TBC1D1: variants seen among roughly 807,000 people sequenced by gnomAD.
TBC1D1 encodes the protein TBC1 domain family member 1.
TBC1D1 carries 89 observed loss-of-function variants against 125.6 expected under a neutral mutation model. That is an observed-to-expected ratio of 0.71 (90% CI 0.60 to 0.85). TBC1D1 has a LOEUF of 0.85. TBC1D1 is among the 40% of genes least tolerant of loss of function. The probability of loss-of-function intolerance (pLI) is 0.00; values close to 1 mark genes in which losing one functional copy is unlikely to be tolerated. For synonymous variants in TBC1D1, 565 were observed against 564.1 expected, an observed-to-expected ratio of 1.00 and a Z score of -0.02; for missense variants, 1,377 against 1,469.2, an observed-to-expected ratio of 0.94 and a Z score of 1.03.
chr4:37,906,519 T>C (rs189989282), intron 2 of TBC1D1, among the ~76,000 whole-genome samples: 2 of 152,332 alleles, frequency 1.3e-5, no homozygotes, highest in Admixed American at 1.3e-4. Flanking sequence ...TATAAACTTT[T>C]TGTAAAGCAT....
At chr4:38,124,484 C>A (rs1764333688) in intron 17 of TBC1D1, among the ~76,000 whole-genome samples, 4 of 152,224 alleles carry the variant, frequency 2.6e-5, no homozygotes, top group Admixed American at 2.6e-4. Flanking sequence ...CAAAGTACTT[C>A]TGCAGTTGTA....
At chr4:38,016,378 G>A (rs57940528) in intron 3 of TBC1D1, among the ~76,000 whole-genome samples, 14,079 of 152,220 alleles carry the variant, frequency 0.092, 868 homozygotes, top group African/African-American at 0.17. Context: ...AATCCCAGAG[G>A]CCTGACTGCC....
intron 2 of TBC1D1, among the ~76,000 whole-genome samples, chr4:37,920,149 T>C (rs1720640983): frequency 6.6e-6 from 1 of 152,144 alleles, no homozygotes; most frequent in Admixed American, 6.5e-5. Context: ...TAACTGTCTG[T>C]GTGCCAGGCA....
intron 12 of TBC1D1, among the ~76,000 whole-genome samples, chr4:38,067,463 CCTT>C (rs1188344335): frequency 1.3e-5 from 2 of 152,306 alleles, no homozygotes; most frequent in African/African-American, 2.4e-5. Flanking sequence ...GGACGGCTTT[CCTT>C]CTTCTTACTG....
At chr4:38,023,376 T>C (rs1744457725) in intron 6 of TBC1D1, among the ~76,000 whole-genome samples, 2 of 152,238 alleles carry the variant, frequency 1.3e-5, no homozygotes, top group Admixed American at 6.5e-5. Context: ...CATCGTAACC[T>C]TTTTGTAAGC....
chr4:38,046,641 T>TC (rs937120476), intron 10 of TBC1D1, among the ~76,000 whole-genome samples: 2 of 152,138 alleles, frequency 1.3e-5, no homozygotes, highest in Admixed American at 6.5e-5. Context: ...CCTTTCATTC[T>TC]CCCCCACTTG....
chr4:38,007,334 C>T (rs1740513555), intron 2 of TBC1D1, among the ~76,000 whole-genome samples: 1 of 151,996 alleles, frequency 6.6e-6, no homozygotes, highest in African/African-American at 2.4e-5. Flanking sequence ...CTCACTGCAA[C>T]CTTTGCCTCC....
chr4:38,115,248 C>T (rs2152572447), intron 15 of TBC1D1, among the ~76,000 whole-genome samples: 1 of 151,990 alleles, frequency 6.6e-6, no homozygotes, highest in East Asian at 1.9e-4. Context: ...TTACAGGCAC[C>T]TGCCACCACG....
intron 2 of TBC1D1, among the ~76,000 whole-genome samples, chr4:37,937,444 A>G (rs1724623227): frequency 6.6e-6 from 1 of 152,218 alleles, no homozygotes; most frequent in Non-Finnish European, 1.5e-5. Context: ...TACAAAATGT[A>G]AATCCACTCT....
intron 18 of TBC1D1, among the ~76,000 whole-genome samples, chr4:38,126,153 TGTTGGTAGTTGTAACACAAG>T (rs968863261): frequency 6.6e-6 from 1 of 152,256 alleles, no homozygotes; most frequent in Non-Finnish European, 1.5e-5. Flanking sequence ...TACTGAATAC[TGTTGGTAGTTGTAACACAAG>T]GTGGAGTATT....
chr4:38,105,582 C>T (rs1433717008), intron 15 of TBC1D1, among the ~76,000 whole-genome samples: 1 of 152,086 alleles, frequency 6.6e-6, no homozygotes, highest in Non-Finnish European at 1.5e-5. Flanking sequence ...TCAACCCTTG[C>T]CTTCCTCCCT....
chr4:37,942,624 T>C (rs1577968698), intron 2 of TBC1D1, among the ~76,000 whole-genome samples: 1 of 152,230 alleles, frequency 6.6e-6, no homozygotes, highest in East Asian at 1.9e-4. Flanking sequence ...CTGCAAGCTC[T>C]GCCTCCCAGG....
chr4:37,917,258 G>T (rs1389334432), intron 2 of TBC1D1, among the ~76,000 whole-genome samples: 1 of 151,554 alleles, frequency 6.6e-6, no homozygotes, highest in Non-Finnish European at 1.5e-5. Flanking sequence ...TGGATCACGT[G>T]AGGTCAGGAG....
chr4:38,132,185 GT>G (rs1161564097), intron 18 of TBC1D1, among the ~76,000 whole-genome samples: 2,224 of 144,304 alleles, frequency 0.015, 32 homozygotes, highest in African/African-American at 0.049. Context: ...ATCTAGCAGG[GT>G]TTTTTTTTTT....
intron 10 of TBC1D1, among the ~76,000 whole-genome samples, chr4:38,046,703 A>C (rs1199408760): frequency 6.6e-6 from 1 of 152,218 alleles, no homozygotes; most frequent in African/African-American, 2.4e-5. Context: ...CTATGATTAT[A>C]ATGAAACATT....
chr4:38,040,679 A>G (rs1340362388), intron 8 of TBC1D1, among the ~76,000 whole-genome samples: 2 of 152,232 alleles, frequency 1.3e-5, no homozygotes, highest in Admixed American at 6.5e-5. Context: ...TTTTCTTAAC[A>G]TTGTAACTGG....
chr4:37,913,655 A>G (rs138755300), intron 2 of TBC1D1, among the ~76,000 whole-genome samples: 112 of 145,082 alleles, frequency 7.7e-4, no homozygotes, highest in Admixed American at 3.0e-3. Context: ...GTGTGTGTGT[A>G]TATATATATA....
intron 2 of TBC1D1, chr4:37,960,796 AT>A: frequency 6.2e-7 from 1 of 1,614,052 alleles, no homozygotes; most frequent in South Asian, 1.1e-5. Context: ...TTTCCCTTCA[AT>A]CTTCTAGACT....
chr4:37,974,896 C>G (rs1170402216), intron 2 of TBC1D1, among the ~76,000 whole-genome samples: 2 of 152,162 alleles, frequency 1.3e-5, no homozygotes, highest in African/African-American at 4.8e-5. Context: ...TCCTATGCAC[C>G]AGATAAAACC....
Sources: gnomAD v4.1 joint callset for allele counts (sites outside exome capture counted in the v4.1 genomes callset) on GRCh38, gnomAD v4.1.1 for gene constraint, MANE v1.5 for transcripts, NCBI Gene and HGNC (gene_info 2026-07-23, HGNC 2026-07-21) for gene names.